Variants in NKAIN2 observed in about 807,000 individuals in gnomAD.
NKAIN2 encodes the protein sodium/potassium-transporting ATPase subunit beta-1-interacting protein 2.
NKAIN2 carries 14 observed loss-of-function variants against 32.6 expected under a neutral mutation model. The observed-to-expected ratio is 0.43, with a 90% CI of 0.28 to 0.67. The LOEUF (loss-of-function observed/expected upper bound fraction) is 0.67. Ranked by LOEUF, NKAIN2 falls within the 30% of genes least tolerant of loss-of-function variation. The pLI, the probability that NKAIN2 is intolerant of heterozygous loss-of-function variation, is 0.17. For missense variants in NKAIN2, 198 were observed against 258.3 expected, an observed-to-expected ratio of 0.77 and a Z score of 1.60; for synonymous variants, 80 against 87.2, an observed-to-expected ratio of 0.92 and a Z score of 0.46.
At chr6:124,079,867 C>T (rs764411569) in intron 1 of NKAIN2, among the ~76,000 whole-genome samples, 4 of 147,758 alleles carry the variant, frequency 2.7e-5, no homozygotes, top group South Asian at 2.1e-4. Context: ...TGTCACTGAG[C>T]GAACAAAGGT....
chr6:124,775,717 G>A (rs1414705714), intron 4 of NKAIN2, among the ~76,000 whole-genome samples: 5 of 152,132 alleles, frequency 3.3e-5, no homozygotes, highest in Non-Finnish European at 5.9e-5. Flanking sequence ...CACTCTACGT[G>A]AGCAGTGACC....
chr6:124,483,867 T>C (rs62435060), intron 3 of NKAIN2, among the ~76,000 whole-genome samples: 3,351 of 152,264 alleles, frequency 0.022, 84 homozygotes, highest in Non-Finnish European at 0.032. Flanking sequence ...TTTGTAATGA[T>C]ATAACCAATC....
At chr6:124,625,608 G>GCTTAT (rs1334936818) in intron 3 of NKAIN2, among the ~76,000 whole-genome samples, 1 of 152,084 alleles carries the variant, frequency 6.6e-6, no homozygotes, top group African/African-American at 2.4e-5. Flanking sequence ...CTCTTAAATA[G>GCTTAT]CTTATCTTAC....
chr6:123,819,170 A>C (rs1273153546), intron 1 of NKAIN2, among the ~76,000 whole-genome samples: 2 of 152,174 alleles, frequency 1.3e-5, no homozygotes, highest in South Asian at 2.1e-4. Flanking sequence ...TAGGTTTTCA[A>C]CAGGTCTCGT....
At chr6:124,805,754 G>A (rs1003422693) in intron 5 of NKAIN2, among the ~76,000 whole-genome samples, 5 of 152,146 alleles carry the variant, frequency 3.3e-5, no homozygotes, top group Non-Finnish European at 5.9e-5. Flanking sequence ...AAATTTAGAC[G>A]AATGTATAAC....
chr6:124,747,015 G>A (rs1777480597), intron 4 of NKAIN2, among the ~76,000 whole-genome samples: 2 of 151,868 alleles, frequency 1.3e-5, no homozygotes, highest in South Asian at 4.2e-4. Context: ...AAGCCTAGTA[G>A]GTATTTTTTT....
chr6:124,480,586 G>GTAT (rs60818370), intron 3 of NKAIN2, among the ~76,000 whole-genome samples: 2,022 of 149,388 alleles, frequency 0.014, 32 homozygotes, highest in African/African-American at 0.026. Context: ...AGATGTTGAG[G>GTAT]TATTATTATT....
chr6:124,632,392 A>G (rs998476520), intron 3 of NKAIN2, among the ~76,000 whole-genome samples: 1 of 152,174 alleles, frequency 6.6e-6, no homozygotes, highest in African/African-American at 2.4e-5. Flanking sequence ...TTACTGTTAG[A>G]GAATGAGCTG....
chr6:124,404,621 A>AT (rs574761933), intron 3 of NKAIN2, among the ~76,000 whole-genome samples: 7,393 of 151,438 alleles, frequency 0.049, 259 homozygotes, highest in Non-Finnish European at 0.066. Context: ...AGTCTTAATG[A>AT]TTTTTTTTTA....
At chr6:124,801,481 C>A (rs1780252630) in intron 5 of NKAIN2, among the ~76,000 whole-genome samples, 4 of 152,186 alleles carry the variant, frequency 2.6e-5, no homozygotes, top group Admixed American at 2.6e-4. Context: ...AGCAGAACAT[C>A]GCTGTCAAGA....
At chr6:124,109,899 C>T (rs371232782) in intron 1 of NKAIN2, among the ~76,000 whole-genome samples, 67 of 151,972 alleles carry the variant, frequency 4.4e-4, no homozygotes, top group African/African-American at 1.6e-3. Flanking sequence ...TGCTGTATCA[C>T]GTTAACTGAT....
intron 2 of NKAIN2, among the ~76,000 whole-genome samples, chr6:124,315,018 T>A (rs1355197923): frequency 1.3e-5 from 2 of 152,284 alleles, no homozygotes; most frequent in Non-Finnish European, 2.9e-5. Context: ...AATATACTAA[T>A]TATGTAAGTT....
At chr6:124,513,794 T>A (rs564494361) in intron 3 of NKAIN2, among the ~76,000 whole-genome samples, 2 of 152,154 alleles carry the variant, frequency 1.3e-5, no homozygotes, top group African/African-American at 2.4e-5. Flanking sequence ...TAAAAATAGA[T>A]GTTGTTTTAA....
chr6:124,693,124 T>C (rs1319372966), intron 4 of NKAIN2, among the ~76,000 whole-genome samples: 3 of 152,146 alleles, frequency 2.0e-5, no homozygotes, highest in African/African-American at 7.2e-5. Flanking sequence ...AGAATTCTCC[T>C]GCCTTGGGGA....
At chr6:124,663,437 A>G (rs1262001215) in intron 4 of NKAIN2, among the ~76,000 whole-genome samples, 2 of 152,176 alleles carry the variant, frequency 1.3e-5, no homozygotes, top group Non-Finnish European at 1.5e-5. Flanking sequence ...TCTCAAAAAA[A>G]AAAAAGTTAC....
intron 1 of NKAIN2, among the ~76,000 whole-genome samples, chr6:124,256,885 G>GTT (rs568654193): frequency 0.16 from 11,808 of 75,822 alleles, 828 homozygotes; most frequent in Non-Finnish European, 0.17. Context: ...GCTTTCTGTT[G>GTT]TTTTTTTTTT....
chr6:124,805,512 C>A (rs1262091852), intron 5 of NKAIN2, among the ~76,000 whole-genome samples: 2 of 152,160 alleles, frequency 1.3e-5, no homozygotes, highest in East Asian at 1.9e-4. Context: ...CATCAAAGAC[C>A]AAAAGTACAT....
chr6:124,624,239 A>G (rs1312262310), intron 3 of NKAIN2, among the ~76,000 whole-genome samples: 2 of 152,170 alleles, frequency 1.3e-5, no homozygotes, highest in Admixed American at 1.3e-4. Flanking sequence ...AGGAAGAGAA[A>G]TGGGAGGGCA....
At chr6:124,168,776 T>A (rs768360376) in intron 1 of NKAIN2, among the ~76,000 whole-genome samples, 15 of 152,124 alleles carry the variant, frequency 9.9e-5, no homozygotes, top group Non-Finnish European at 2.2e-4. Flanking sequence ...TTATTAAGTA[T>A]ATTAAGAACA....
Sources: allele counts gnomAD v4.1 joint callset (sites outside exome capture counted in the v4.1 genomes callset), GRCh38; gene constraint gnomAD v4.1.1; transcripts MANE v1.5; gene names NCBI Gene and HGNC (gene_info 2026-07-23, HGNC 2026-07-21).